MAST4: variants seen among roughly 807,000 people sequenced by gnomAD.
MAST4 encodes the protein microtubule-associated serine/threonine-protein kinase 4.
In MAST4, 89 loss-of-function variants were observed where a neutral mutation model predicts 162.7. The ratio of observed to expected loss-of-function variants is 0.55; its 90% confidence interval spans 0.46 to 0.65. The LOEUF (loss-of-function observed/expected upper bound fraction) is 0.65. Ranked by LOEUF, MAST4 falls within the 30% of genes least tolerant of loss-of-function variation. The pLI is 0.00. For synonymous variants in MAST4, 1,479 were observed against 1,361.1 expected, an observed-to-expected ratio of 1.09 and a Z score of -1.91; for missense variants, 3,153 against 3,374.0, an observed-to-expected ratio of 0.93 and a Z score of 1.62.
Position 66,601,462 on chromosome 5 carries a change from G to A in MAST4, c.363+4444G>A, listed in dbSNP as rs1579957413. Reference sequence around the variant, plus strand: ...TAATTGGTTTCAAAAAGTGGCAAATGGGGAACAGGCTGTGAGGTAGCATGT... The same window carrying A: ...TAATTGGTTTCAAAAAGTGGCAAATAGGGAACAGGCTGTGAGGTAGCATGT... On this transcript the variant is annotated intron_variant, in intron 1 of 28. Coordinates refer to ENST00000403625, the MANE Select transcript of MAST4 (RefSeq NM_001164664.2). 2.6e-5 allele frequency among the ~76,000 whole-genome samples: 4 copies of A among 152,194 alleles called. No homozygotes were observed. In the East Asian group the frequency reaches 7.7e-4, roughly 29 times the overall value.
chr5:66,995,741 T>C (rs1432997063), intron 4 of MAST4, among the ~76,000 whole-genome samples: 2 of 151,994 alleles, frequency 1.3e-5, no homozygotes, highest in African/African-American at 2.4e-5. Context: ...CATAGCACAG[T>C]GGCTCATATG....
At chr5:66,883,868 C>T (rs1450142949) in intron 3 of MAST4, among the ~76,000 whole-genome samples, 1 of 152,180 alleles carries the variant, frequency 6.6e-6, no homozygotes, top group Non-Finnish European at 1.5e-5. Flanking sequence ...CTGTAGTACA[C>T]AAGGGATTTG....
At chr5:66,622,413 T>G (rs1328083482) in intron 1 of MAST4, among the ~76,000 whole-genome samples, 1 of 118,080 alleles carries the variant, frequency 8.5e-6, no homozygotes, top group Non-Finnish European at 1.7e-5. Flanking sequence ...TGTATGTCCT[T>G]GTAAGGCTTT....
intron 4 of MAST4, among the ~76,000 whole-genome samples, chr5:66,962,140 A>G (rs1561483068): frequency 6.6e-6 from 1 of 152,242 alleles, no homozygotes; most frequent in Non-Finnish European, 1.5e-5. Context: ...CATCATTGCC[A>G]ACCCTCTGTG....
At chr5:66,900,363 T>C (rs1762932715) in intron 4 of MAST4, among the ~76,000 whole-genome samples, 1 of 152,130 alleles carries the variant, frequency 6.6e-6, no homozygotes, top group African/African-American at 2.4e-5. Flanking sequence ...GAGTAAATTA[T>C]GTACTTTTGA....
intron 3 of MAST4, among the ~76,000 whole-genome samples, chr5:66,832,232 C>T (rs111893890): frequency 0.011 from 1,613 of 152,264 alleles, 16 homozygotes; most frequent in Middle Eastern, 0.02. Flanking sequence ...ATTACCATTT[C>T]CATCCACTTC....
At chr5:66,851,093 C>T (rs541409716) in intron 3 of MAST4, among the ~76,000 whole-genome samples, 9 of 152,108 alleles carry the variant, frequency 5.9e-5, no homozygotes, top group African/African-American at 9.7e-5. Context: ...TTTACAATTT[C>T]GAATGGTTTC....
intron 1 of MAST4, among the ~76,000 whole-genome samples, chr5:66,742,878 C>T (rs1580342391): frequency 6.6e-6 from 1 of 152,280 alleles, no homozygotes; most frequent in South Asian, 2.1e-4. Context: ...ACAGTGTCAT[C>T]AAGTTGCTCA....
At chr5:66,651,933 C>T (rs746756818) in intron 1 of MAST4, among the ~76,000 whole-genome samples, 1 of 152,178 alleles carries the variant, frequency 6.6e-6, no homozygotes, top group Non-Finnish European at 1.5e-5. Context: ...AAACAAGTCA[C>T]AGTTTCTTTG....
chr5:66,734,684 T>A (rs981274945), intron 1 of MAST4, among the ~76,000 whole-genome samples: 1 of 152,242 alleles, frequency 6.6e-6, no homozygotes, highest in Non-Finnish European at 1.5e-5. Flanking sequence ...ATTAGCCACA[T>A]GTGGCTTTTG....
intron 3 of MAST4, among the ~76,000 whole-genome samples, chr5:66,847,944 G>T (rs1759006298): frequency 6.6e-6 from 1 of 151,542 alleles, no homozygotes; most frequent in African/African-American, 2.4e-5. Context: ...GACTTGGAAA[G>T]AAATCAAGTT....
Position 66,799,160 on chromosome 5 carries a change from C to T in MAST4, c.642+10366C>T, listed in dbSNP as rs530246140. Among the ~76,000 whole-genome samples, 186 of 152,250 alleles carry T rather than the reference C, an allele frequency of 1.2e-3. 5 individuals are homozygous for T. In the South Asian group the frequency reaches 0.035, roughly 29 times the overall value. On this transcript the variant is annotated intron_variant, in intron 3 of 28. Coordinates refer to ENST00000403625, the MANE Select transcript of MAST4 (RefSeq NM_001164664.2). ...GTAAACCACCTGCCATTCGTTCCTC[C>T]GACCTCGGACTCCTCTTCCCAGGCT...
chr5:66,816,252 A>G (rs925770961), intron 3 of MAST4, among the ~76,000 whole-genome samples: 9 of 151,174 alleles, frequency 6.0e-5, no homozygotes, highest in Non-Finnish European at 2.9e-5. Context: ...CTCATCAGCT[A>G]TTGTTAGTGT....
At chr5:66,681,648 C>G in intron 1 of MAST4, among the ~76,000 whole-genome samples, 1 of 152,182 alleles carries the variant, frequency 6.6e-6, no homozygotes, top group South Asian at 2.1e-4. Flanking sequence ...GGCCCTAATT[C>G]TTTATATTTG....
At chr5:67,017,825 C>G (rs913360990) in intron 4 of MAST4, among the ~76,000 whole-genome samples, 5 of 152,032 alleles carry the variant, frequency 3.3e-5, no homozygotes, top group Non-Finnish European at 5.9e-5. Context: ...TCTGGAACTC[C>G]TAACCTTGTG....
intron 14 of MAST4, among the ~76,000 whole-genome samples, chr5:67,128,889 A>G (rs991802861): frequency 6.6e-6 from 1 of 152,334 alleles, no homozygotes; most frequent in Admixed American, 6.5e-5. Flanking sequence ...TGGAGATTTC[A>G]AACCTGTTCC....
At chr5:66,724,450 T>G (rs1223702146) in intron 1 of MAST4, among the ~76,000 whole-genome samples, 1 of 152,200 alleles carries the variant, frequency 6.6e-6, no homozygotes, top group African/African-American at 2.4e-5. Context: ...TTGCCCTAGC[T>G]TGGTAACAGG....
chr5:66,980,302 C>T (rs578201384), intron 4 of MAST4, among the ~76,000 whole-genome samples: 2 of 152,256 alleles, frequency 1.3e-5, no homozygotes, highest in South Asian at 2.1e-4. Context: ...CTTATACCCA[C>T]CTCCTTTGAA....
At chr5:66,647,279 G>A (rs1469438451) in intron 1 of MAST4, among the ~76,000 whole-genome samples, 2 of 152,090 alleles carry the variant, frequency 1.3e-5, no homozygotes, top group East Asian at 3.9e-4. Flanking sequence ...TAAAGAAATG[G>A]TGAGGTAGGA....
Sources: gnomAD v4.1 joint callset for allele counts (sites outside exome capture counted in the v4.1 genomes callset) on GRCh38, gnomAD v4.1.1 for gene constraint, MANE v1.5 for transcripts, NCBI Gene and HGNC (gene_info 2026-07-23, HGNC 2026-07-21) for gene names.